The following TNS1 variants were observed in gnomAD, a reference collection of about 807,000 sequenced individuals.
TNS1 encodes the protein tensin-1.
A neutral mutation model predicts 168.6 loss-of-function variants in TNS1; 62 were observed. The observed-to-expected ratio is 0.37, with a 90% confidence interval of 0.30 to 0.45. TNS1 has a LOEUF of 0.45. TNS1 is among the 20% of genes least tolerant of loss of function. TNS1 has a pLI of 1.00. For synonymous variants in TNS1, 934 were observed against 933.2 expected (o/e 1.00, Z -0.02); for missense variants, 2,240 against 2,339.4 (o/e 0.96, Z 0.88).
intron 1 of TNS1, among the ~76,000 whole-genome samples, chr2:218,018,992 G>A (rs1958784301): frequency 6.6e-6 from 1 of 151,902 alleles, no homozygotes; most frequent in South Asian, 2.1e-4. Context: ...TAGGAGAATT[G>A]CTTGACCCTG....
chr2:217,818,083 C>T lies in TNS1; in HGVS notation c.4249G>A (p.Gly1417Ser), dbSNP rs755972447. 1.7e-5 allele frequency: 27 copies of T among 1,612,856 alleles called. No individual in the cohort carries two copies. The highest frequency in any genetic ancestry group is 6.7e-5 in the Admixed American group (4 of 59,860). The change falls in exon 24 of 33, where the codon GGC becomes AGC. Residue 1417 changes from glycine to serine, a missense_variant. Gly to Ser is a moderately conservative substitution (Grantham distance 56). Coordinates refer to ENST00000682258, the MANE Select transcript of TNS1 (RefSeq NM_001387777.1). Reference sequence around the variant, plus strand: ...ACATGCCGGTCCAAGCAGGGGCTGCCGGGAACCACAGATCCAGACCCTCCG... The same window carrying T: ...ACATGCCGGTCCAAGCAGGGGCTGCTGGGAACCACAGATCCAGACCCTCCG... The part of the protein sequence containing the change: ...HLGGSGSVVP[G>S]SPCLDRHVAY...
At chr2:217,883,040 C>T (rs1028273600) in intron 16 of TNS1, among the ~76,000 whole-genome samples, 1 of 152,158 alleles carries the variant, frequency 6.6e-6, no homozygotes, top group African/African-American at 2.4e-5. Context: ...AAGCAATCCA[C>T]CGGCCTCAGC....
At chr2:217,879,602 G>A (rs1161965525) in intron 18 of TNS1, 3 of 291,748 alleles carry the variant, frequency 1.0e-5, no homozygotes, top group African/African-American at 2.3e-5. Flanking sequence ...TGTGCTCTCA[G>A]TGAGTCCCCA....
intron 3 of TNS1, among the ~76,000 whole-genome samples, chr2:217,966,547 A>G (rs1258346348): frequency 6.6e-6 from 1 of 152,180 alleles, no homozygotes. Context: ...TTCCCAGGGC[A>G]AACACGGGCT....
At chr2:217,912,565 C>T (rs940625742) in intron 4 of TNS1, among the ~76,000 whole-genome samples, 1 of 152,142 alleles carries the variant, frequency 6.6e-6, no homozygotes, top group Non-Finnish European at 1.5e-5. Flanking sequence ...GGAGGGCTAG[C>T]GAGGGCTGGA....
At chr2:217,882,963 T>G (rs558726261) in intron 16 of TNS1, among the ~76,000 whole-genome samples, 8 of 152,192 alleles carry the variant, frequency 5.3e-5, no homozygotes, top group African/African-American at 1.9e-4. Context: ...GCCCGGCTCA[T>G]TTTTGTATTT....
At chr2:217,988,279 T>C (rs1958252740) in intron 2 of TNS1, among the ~76,000 whole-genome samples, 1 of 152,164 alleles carries the variant, frequency 6.6e-6, no homozygotes, top group Non-Finnish European at 1.5e-5. Flanking sequence ...ACCAGGGCCA[T>C]GTCTTGCTCA....
At chr2:217,937,134 T>C in intron 3 of TNS1, 1 of 423,464 alleles carries the variant, frequency 2.4e-6, no homozygotes, top group Non-Finnish European at 4.8e-6. Flanking sequence ...ATGAGCTGCC[T>C]CCTGCTTGAC....
At chr2:217,805,766 ACCAC>A (rs1938869434) in intron 32 of TNS1, among the ~76,000 whole-genome samples, 1 of 149,584 alleles carries the variant, frequency 6.7e-6, no homozygotes, top group African/African-American at 2.5e-5. Context: ...CACACCACAC[ACCAC>A]CACACACACA....
At chr2:217,862,099 C>T (rs1035771088) in intron 18 of TNS1, among the ~76,000 whole-genome samples, 6 of 152,188 alleles carry the variant, frequency 3.9e-5, no homozygotes, top group African/African-American at 9.7e-5. Flanking sequence ...TGCATTGCCA[C>T]TTCCACCTGC....
chr2:217,918,008 T>A (rs1955270111), intron 4 of TNS1, among the ~76,000 whole-genome samples: 1 of 151,322 alleles, frequency 6.6e-6, no homozygotes, highest in South Asian at 2.1e-4. Context: ...GAGAAGGAGA[T>A]GAGGTGAGAG....
intron 1 of TNS1, among the ~76,000 whole-genome samples, chr2:218,019,424 T>A (rs989372687): frequency 3.3e-5 from 5 of 152,242 alleles, no homozygotes; most frequent in African/African-American, 1.2e-4. Context: ...GGTGACACTT[T>A]GGGGGCTGCC....
intron 14 of TNS1, 68 bp from the exon 15 acceptor site, chr2:217,885,887 C>A (rs1951151168): frequency 6.4e-7 from 1 of 1,567,426 alleles, no homozygotes. Flanking sequence ...GGCATTTTCT[C>A]CCTGCTGCCC....
intron 11 of TNS1, among the ~76,000 whole-genome samples, 194 bp from the exon 12 acceptor site, chr2:217,891,239 C>G (rs1951714358): frequency 6.6e-6 from 1 of 152,206 alleles, no homozygotes; most frequent in African/African-American, 2.4e-5. Flanking sequence ...CAGCATCTCT[C>G]CAACTGTGCA....
At chr2:217,886,399 G>C (rs376784763) in intron 13 of TNS1, 135 bp downstream of exon 13, 1 of 736,402 alleles carries the variant, frequency 1.4e-6, no homozygotes, top group East Asian at 2.7e-5. Context: ...CAATACACTT[G>C]AGAGTCCAAT....
chr2:218,014,869 ACGG>A (rs1178761536), upstream of TNS1, among the ~76,000 whole-genome samples: 1 of 79,812 alleles, frequency 1.3e-5, no homozygotes, highest in African/African-American at 4.1e-5. Flanking sequence ...GGAAGGAAGG[ACGG>A]AAGGAAGGAA....
At chr2:217,979,517 T>G (rs1957985886) in intron 2 of TNS1, among the ~76,000 whole-genome samples, 1 of 136,046 alleles carries the variant, frequency 7.4e-6, no homozygotes, top group Non-Finnish European at 1.6e-5. Context: ...GTGCATGACT[T>G]GAAACACACA....
At chr2:217,893,311 AT>A in intron 10 of TNS1, 127 bp downstream of exon 10, 1 of 1,416,298 alleles carries the variant, frequency 7.1e-7, no homozygotes, top group Non-Finnish European at 9.3e-7. Context: ...ACAGACTTAT[AT>A]GCTCGCAAAA....
intron 19 of TNS1, among the ~76,000 whole-genome samples, chr2:217,837,261 C>T (rs1040197548): frequency 8.5e-5 from 13 of 152,212 alleles, no homozygotes; most frequent in African/African-American, 3.1e-4. Flanking sequence ...TGTGCCAGTA[C>T]AGCCAAGCAG....
Sources: allele counts gnomAD v4.1 joint callset (sites outside exome capture counted in the v4.1 genomes callset), GRCh38; gene constraint gnomAD v4.1.1; transcripts MANE v1.5; gene names NCBI Gene and HGNC (gene_info 2026-07-23, HGNC 2026-07-21).